ASXL1: variants seen among roughly 807,000 people sequenced by gnomAD.
ASXL1 encodes the protein ASXL transcriptional regulator 1, also known as polycomb group protein ASXL1.
Under a neutral mutation model 89.1 loss-of-function variants are expected in ASXL1, and 65 were observed. The ratio of observed to expected loss-of-function variants is 0.73; its 90% confidence interval spans 0.60 to 0.90. ASXL1 has a LOEUF of 0.90. Among genes scored for constraint, ASXL1 ranks in the 40% least tolerant of loss-of-function variants. The pLI is 0.00. For missense variants in ASXL1, 1,786 were observed against 1,942.9 expected (o/e 0.92, Z 1.52); for synonymous variants, 739 against 746.9 (o/e 0.99, Z 0.17).
intron 4 of ASXL1, among the ~76,000 whole-genome samples, chr20:32,408,681 G>C (rs906799699): frequency 6.6e-6 from 1 of 151,934 alleles, no homozygotes; most frequent in Non-Finnish European, 1.5e-5. Flanking sequence ...AGCTCCCAAG[G>C]CGCTGGGATT....
chr20:32,381,274 G>T (rs1198031199), intron 4 of ASXL1, among the ~76,000 whole-genome samples: 1 of 152,018 alleles, frequency 6.6e-6, no homozygotes, highest in African/African-American at 2.4e-5. Flanking sequence ...GTGCCATCAC[G>T]GCTCACTGCA....
At chr20:32,360,831 A>G (rs557602659) in intron 1 of ASXL1, 1 of 160,454 alleles carries the variant, frequency 6.2e-6, no homozygotes, top group East Asian at 1.4e-4. Flanking sequence ...TTTTTCTTCT[A>G]AGGCTCTTCA....
chr20:32,416,292 C>A (rs976518617), intron 4 of ASXL1, among the ~76,000 whole-genome samples: 1 of 152,048 alleles, frequency 6.6e-6, no homozygotes, highest in African/African-American at 2.4e-5. Context: ...TAATTTTATA[C>A]CCCTTAACCA....
chr20:32,399,343 C>A (rs2048828587), intron 4 of ASXL1, among the ~76,000 whole-genome samples: 1 of 150,576 alleles, frequency 6.6e-6, no homozygotes, highest in Admixed American at 6.6e-5. Context: ...ATTTTGCATG[C>A]TTTTTTTTTC....
intron 4 of ASXL1, among the ~76,000 whole-genome samples, chr20:32,426,206 T>C (rs1425556106): frequency 6.6e-6 from 1 of 152,014 alleles, no homozygotes; most frequent in East Asian, 1.9e-4. Flanking sequence ...AAAAGATACA[T>C]ATATATTTTT....
intron 4 of ASXL1, among the ~76,000 whole-genome samples, chr20:32,377,088 A>G (rs1268525288): frequency 2.9e-5 from 4 of 135,998 alleles, no homozygotes; most frequent in Non-Finnish European, 4.6e-5. Flanking sequence ...TGTTATATAG[A>G]TATCTATATT....
At chr20:32,417,404 A>AT (rs1170425228) in intron 4 of ASXL1, among the ~76,000 whole-genome samples, 2 of 152,198 alleles carry the variant, frequency 1.3e-5, no homozygotes, top group African/African-American at 2.4e-5. Flanking sequence ...TTTACGTTAT[A>AT]TTCCAAGAGT....
At chr20:32,358,935 G>T in intron 1 of ASXL1, 103 bp downstream of exon 1, 1 of 1,209,920 alleles carries the variant, frequency 8.3e-7, no homozygotes, top group Non-Finnish European at 1.1e-6. Flanking sequence ...GCCCACCGCG[G>T]GAGGGGGCGG....
Position 32,369,111 on chromosome 20 carries a change from T to C in ASXL1, c.240T>C (p.Leu80=), listed in dbSNP as rs527809474. The part of the protein sequence containing the change: ...LFYKLPGRIS[L]FTLKKDALQW... ...ATAAACTGCCTGGCCGAATCAGCCT[T>C]TTCACGCTCAAGGTAAGTGATATGA... Residue 80 remains leucine (L), a synonymous_variant, in exon 4 of 13, where the codon CTT becomes CTC. Transcript: ENST00000375687. 1 of 1,610,222 alleles carries C rather than the reference T, an allele frequency of 6.2e-7. No homozygotes were observed. The highest frequency in any genetic ancestry group is 1.7e-5 in the Admixed American group (1 of 59,998).
chr20:32,434,229 T>G lies in ASXL1; in HGVS notation c.1720-203T>G, dbSNP rs1045128975. ...CCACCAGAAATTAAATTTAGAAGTGTGGCATATAACAGCCCTTGAGCAGAA... is the reference window on the plus strand; with the variant it reads ...CCACCAGAAATTAAATTTAGAAGTGGGGCATATAACAGCCCTTGAGCAGAA... On this transcript the variant is annotated intron_variant, in intron 12 of 12. Coordinates refer to ENST00000375687, the MANE Select transcript of ASXL1 (RefSeq NM_015338.6). 6.9e-6 allele frequency: 5 copies of G among 724,376 alleles called. No homozygotes were observed. In the Admixed American group the frequency reaches 1.1e-4, roughly 15 times the overall value. 44.9% of individuals were successfully genotyped at this position (724,376 alleles called of 1,614,324 possible).
chr20:32,429,562 A>G lies in ASXL1; in HGVS notation c.565+131A>G, dbSNP rs1226786266. ...CGGGCCACAGGCAAGAGCCCTGCCA[A>G]TGGATGAGGCCTGCCATAGGTTCTA... On this transcript the variant is annotated intron_variant, in intron 7 of 12. Coordinates refer to ENST00000375687, the MANE Select transcript of ASXL1 (RefSeq NM_015338.6). This position sits in a 1 kb window ranked among gnomAD's most constrained non-coding sequence, Gnocchi z 4.9. 3.1e-6 allele frequency: 3 copies of G among 962,944 alleles called. No homozygotes were observed. The highest frequency in any genetic ancestry group is 1.4e-5 in the South Asian group (1 of 73,086). The allele number at this position is 962,944 out of a possible 1,614,324, so 59.6% of individuals were successfully genotyped here. A position where few individuals can be genotyped will look rare whatever the true frequency, so the allele number is the denominator to read the frequency against.
At position 32,437,023 on chromosome 20, in the gene ASXL1, G is replaced by A; in HGVS notation, c.4311G>A (p.Lys1437=). The change falls in exon 13 of 13, where the codon AAG becomes AAA. Residue 1437 remains lysine, a synonymous_variant. Transcript: ENST00000375687. Reference sequence around the variant, plus strand: ...CTCTCCCCTCCCAACTCAGCATCAAGCAGGCATTTTATGGGAAGCTTTCTA... The same window carrying A: ...CTCTCCCCTCCCAACTCAGCATCAAACAGGCATTTTATGGGAAGCTTTCTA... The part of the protein sequence containing the change: ...PSSLPSQLSI[K]QAFYGKLSKL... 6.2e-7 allele frequency: 1 copy of A among 1,614,072 alleles called. No homozygotes were observed. Among genetic ancestry groups the A allele is most frequent in the Non-Finnish European group, 8.5e-7 (1 of 1,180,014 alleles).
At chr20:32,406,637 A>T (rs1458149488) in intron 4 of ASXL1, among the ~76,000 whole-genome samples, 1 of 151,976 alleles carries the variant, frequency 6.6e-6, no homozygotes, top group African/African-American at 2.4e-5. Context: ...TGTCCTCTTT[A>T]CTTTGCTTGG....
intron 4 of ASXL1, among the ~76,000 whole-genome samples, chr20:32,384,899 G>A (rs554075328): frequency 3.3e-5 from 5 of 151,890 alleles, no homozygotes; most frequent in African/African-American, 1.2e-4. Flanking sequence ...TATTAAGTTT[G>A]ATTTTAAAGC....
At chr20:32,376,601 C>G (rs762447387) in intron 4 of ASXL1, among the ~76,000 whole-genome samples, 27 of 151,838 alleles carry the variant, frequency 1.8e-4, no homozygotes, top group Non-Finnish European at 3.7e-4. Flanking sequence ...ACTCACATTT[C>G]TCTGTTTTCC....
intron 4 of ASXL1, among the ~76,000 whole-genome samples, chr20:32,416,840 A>C (rs1348190687): frequency 3.3e-5 from 5 of 152,242 alleles, no homozygotes; most frequent in Non-Finnish European, 7.3e-5. Flanking sequence ...AAAACTTATA[A>C]ATCTTTTTTA....
In ASXL1 at chr20:32,437,323, C is replaced by T. The variant is rs376413080; in HGVS notation, c.4611C>T (p.Cys1537=). ...GACCCTCAAAGCTCTGTGTATTGTG[C>T]CTTGTGGTGAGATAATAAATTATGG... The part of the protein sequence containing the change: ...CIGPSKLCVL[C]LVVR Residue 1537 remains cysteine, a synonymous_variant, in exon 13 of 13, where the codon TGC becomes TGT. Coordinates refer to ENST00000375687, the MANE Select transcript of ASXL1 (RefSeq NM_015338.6). 2.7e-5 allele frequency: 44 copies of T among 1,613,864 alleles called. No homozygotes were observed. Among genetic ancestry groups the T allele is most frequent in the Non-Finnish European group, 3.7e-5 (44 of 1,180,008 alleles).
intron 4 of ASXL1, among the ~76,000 whole-genome samples, chr20:32,370,185 CATA>C (rs2048279046): frequency 6.6e-6 from 1 of 152,102 alleles, no homozygotes; most frequent in Non-Finnish European, 1.5e-5. Flanking sequence ...AGGTAGAGTT[CATA>C]ATAAAGCTTA....
At chr20:32,364,687 C>A (rs563131676) in intron 1 of ASXL1, among the ~76,000 whole-genome samples, 1 of 152,180 alleles carries the variant, frequency 6.6e-6, no homozygotes, top group African/African-American at 2.4e-5. Flanking sequence ...TGTGCACCAC[C>A]GTGCCTGGCC....
Sources: gnomAD v4.1 joint callset for allele counts (sites outside exome capture counted in the v4.1 genomes callset) on GRCh38, gnomAD v4.1.1 for gene constraint, Gnocchi (gnomAD v3.1) non-coding constraint, MANE v1.5 for transcripts, NCBI Gene and HGNC (gene_info 2026-07-23, HGNC 2026-07-21) for gene names.